Variants in DCDC2B observed in about 807,000 individuals in gnomAD.
DCDC2B encodes doublecortin domain-containing protein 2B.
In DCDC2B, 41 loss-of-function variants were observed where a neutral mutation model predicts 38.9. That is an observed-to-expected ratio of 1.05 (90% CI 0.82 to 1.37). The LOEUF (loss-of-function observed/expected upper bound fraction) is 1.37. Among genes scored for constraint, DCDC2B ranks in the 40% most tolerant of loss-of-function variants. The probability of loss-of-function intolerance (pLI) is 0.00; values close to 1 mark genes in which losing one functional copy is unlikely to be tolerated. For missense variants in DCDC2B, 453 were observed against 427.2 expected (o/e 1.06, Z -0.53); for synonymous variants, 181 against 171.9 (o/e 1.05, Z -0.41).
intron 8 of DCDC2B, 88 bp downstream of exon 8, chr1:32,215,631 C>T (rs1638321763): frequency 7.8e-7 from 1 of 1,274,402 alleles, no homozygotes; most frequent in South Asian, 1.4e-5. Context: ...GAACAGTTCT[C>T]CTCCCTTGTG....
chr1:32,215,409 G>A, intron 7 of DCDC2B, 31 bp from the exon 8 acceptor site: 2 of 1,576,062 alleles, frequency 1.3e-6, no homozygotes, highest in Non-Finnish European at 1.7e-6. Context: ...CTTCAGCCTG[G>A]GCATCACCCA....
chr1:32,210,341 A>AG (rs2124205390), intron 1 of DCDC2B, among the ~76,000 whole-genome samples: 1 of 150,754 alleles, frequency 6.6e-6, no homozygotes, highest in East Asian at 1.9e-4. Flanking sequence ...AAAAAAAAAA[A>AG]AAAAAAATCA....
chr1:32,212,262 G>C, intron 4 of DCDC2B, 61 bp downstream of exon 4: 2 of 1,592,872 alleles, frequency 1.3e-6, no homozygotes, highest in Non-Finnish European at 1.7e-6. Flanking sequence ...ACTGGCTTCA[G>C]CTGTGGCTGA....
chr1:32,211,466 T>C, intron 2 of DCDC2B, 143 bp downstream of exon 2: 1 of 833,306 alleles, frequency 1.2e-6, no homozygotes, highest in East Asian at 2.7e-5. Context: ...CTATCTTTCC[T>C]GGGGCGTGGG....
intron 8 of DCDC2B, 38 bp from the exon 9 acceptor site, chr1:32,215,764 T>A (rs1638330122): frequency 6.8e-7 from 1 of 1,476,806 alleles, no homozygotes; most frequent in Non-Finnish European, 9.2e-7. Context: ...CTGGCCATAC[T>A]CACGGCTCCA....
chr1:32,211,972 G>C, intron 3 of DCDC2B, 98 bp from the exon 4 acceptor site: 14 of 1,544,402 alleles, frequency 9.1e-6, no homozygotes, highest in Middle Eastern at 1.7e-4. Flanking sequence ...TGGGTGAAGA[G>C]AGACCAGTGT....
rs1643598447 is a variant in DCDC2B, at chr1:32,211,851, T to G, written c.395+14T>G. 1 of 1,601,986 alleles carries G rather than the reference T, an allele frequency of 6.2e-7. No individual in the cohort carries two copies. Among genetic ancestry groups the G allele is most frequent in the Admixed American group, 1.7e-5 (1 of 57,926 alleles). ...CAGCTATATCCAGTGAGTGCCAGTGTGAGGGAGCAGGGGTGTTGATGTTTG... is the reference window on the plus strand; with the variant it reads ...CAGCTATATCCAGTGAGTGCCAGTGGGAGGGAGCAGGGGTGTTGATGTTTG... On this transcript the variant is annotated intron_variant, in intron 3 of 8. Transcript: ENST00000409358.
chr1:32,212,372 C>A (rs1643623270), intron 4 of DCDC2B, 118 bp from the exon 5 acceptor site: 2 of 1,528,552 alleles, frequency 1.3e-6, no homozygotes, highest in Non-Finnish European at 8.9e-7. Flanking sequence ...CAGGGTAGAG[C>A]CTGGGTGCCT....
intron 1 of DCDC2B, among the ~76,000 whole-genome samples, chr1:32,209,686 A>G (rs1643501487): frequency 6.6e-6 from 1 of 151,884 alleles, no homozygotes; most frequent in Non-Finnish European, 1.5e-5. Flanking sequence ...ACCCCCTATC[A>G]CTGAACACTC....
chr1:32,214,312 CAAAAA>C (rs58837364), intron 6 of DCDC2B, among the ~76,000 whole-genome samples: 7 of 51,976 alleles, frequency 1.3e-4, no homozygotes, highest in African/African-American at 3.6e-4. Context: ...ACTCAAGTCT[CAAAAA>C]AAAAAAAAAA....
rs372853181 is a variant in DCDC2B, at chr1:32,212,022, T to C, written c.396-48T>C. On this transcript the variant is annotated intron_variant, in intron 3 of 8. Transcript: ENST00000409358. ...GCCCTGTGCCACCCTTCCCCTCACA[T>C]GTAGGGACTCCTGGGGACACTCCCC... 246 of 1,594,234 alleles carry C rather than the reference T, an allele frequency of 1.5e-4. 1 individual carries two copies. Among genetic ancestry groups the C allele is most frequent in the Non-Finnish European group, 2.0e-4 (238 of 1,167,026 alleles).
rs1351564882 is a variant in DCDC2B, at chr1:32,209,289, A to C, written c.196A>C (p.Thr66Pro). The change falls in exon 1 of 9, where the codon ACC becomes CCC. Residue 66 changes from threonine to proline, a missense_variant. By Grantham distance (38) the Thr-to-Pro change is conservative. Transcript: ENST00000409358. ...LYTPCHGHPV[T>P]NLADLKNRGQ... ...CACACCTTGTCATGGCCACCCTGTCACCAACCTGGCAGACTTGAAGAACAG... is the reference window on the plus strand; with the variant it reads ...CACACCTTGTCATGGCCACCCTGTCCCCAACCTGGCAGACTTGAAGAACAG... 2 of 1,613,870 alleles carry C rather than the reference A, an allele frequency of 1.2e-6. No homozygotes were observed. Among genetic ancestry groups the C allele is most frequent in the East Asian group, 4.5e-5 (2 of 44,890 alleles).
In DCDC2B at chr1:32,213,394, T is replaced by C. The variant is rs1204436239; in HGVS notation, c.714+601T>C. Among the ~76,000 whole-genome samples, 3 of 150,176 alleles carry C rather than the reference T, an allele frequency of 2.0e-5. No homozygotes were observed. In the East Asian group the frequency reaches 6.0e-4, roughly 30 times the overall value. ...TCTTGTTGCTCAGGCTGGAGTGCAA[T>C]AGCACAATCTCAGCTCACTGCAACC... On this transcript the variant is annotated intron_variant, in intron 6 of 8. Coordinates refer to ENST00000409358, the MANE Select transcript of DCDC2B (RefSeq NM_001099434.2).
In DCDC2B at chr1:32,211,794, G is replaced by A; in HGVS notation, c.352G>A (p.Ala118Thr). 1.2e-6 allele frequency: 2 copies of A among 1,610,942 alleles called. No individual in the cohort carries two copies. The highest frequency in any genetic ancestry group is 1.7e-6 in the Non-Finnish European group (2 of 1,178,696). ...PPVTRHLCDG[A>T]IGRQLPAGAP... ...CGTGACTCGCCACTTGTGTGATGGG[G>A]CCATTGGACGGCAGCTGCCTGCAGG... Residue 118 changes from alanine (A) to threonine (T), a missense_variant, in exon 3 of 9, where the codon GCC (alanine) becomes ACC (threonine). Transcript: ENST00000409358.
chr1:32,209,867 G>A (rs983924310), intron 1 of DCDC2B, among the ~76,000 whole-genome samples: 2 of 152,160 alleles, frequency 1.3e-5, no homozygotes, highest in Non-Finnish European at 2.9e-5. Context: ...TTAGCTCTCA[G>A]CTGAGGTTGC....
In DCDC2B at chr1:32,215,925, G is replaced by T; in HGVS notation, c.*28G>T. Reference sequence around the variant, plus strand: ...GCCAGCAGCTCCAGAGGGCAACTGGGGACCACTACTCTGGCCACCTTTTGT... The same window carrying T: ...GCCAGCAGCTCCAGAGGGCAACTGGTGACCACTACTCTGGCCACCTTTTGT... On this transcript the variant is annotated 3_prime_UTR_variant, in exon 9 of 9. Coordinates refer to ENST00000409358, the MANE Select transcript of DCDC2B (RefSeq NM_001099434.2). The T allele has an allele frequency of 6.6e-7, 1 of 1,521,984 alleles. No homozygotes were observed. Among genetic ancestry groups the T allele is most frequent in the Non-Finnish European group, 8.9e-7 (1 of 1,121,278 alleles). The allele number at this position is 1,521,984 out of a possible 1,614,324, so 94.3% of individuals were successfully genotyped here.
At chr1:32,211,062 TACTC>T (rs1643564599) in intron 1 of DCDC2B, among the ~76,000 whole-genome samples, 1 of 152,194 alleles carries the variant, frequency 6.6e-6, no homozygotes, top group Non-Finnish European at 1.5e-5. Flanking sequence ...TTTCCAGACT[TACTC>T]AGCACTTACC....
rs1643491754 is a variant in DCDC2B, at chr1:32,209,474, TA to T, written c.266+116del. ...TTACTGGTACTTACTGAACTCTATG[TA>T]GGGGGGGTGGTTTTGCCTCCATTAG... On this transcript the variant is annotated intron_variant, in intron 1 of 8. Transcript: ENST00000409358. 1.2e-5 allele frequency: 17 copies of T among 1,452,896 alleles called. No individual in the cohort carries two copies. The Middle Eastern group carries it at 7.3e-4, about 62-fold the overall frequency. The allele number at this position is 1,452,896 out of a possible 1,614,324, so 90.0% of individuals were successfully genotyped here.
Position 32,209,179 on chromosome 1 carries a change from C to G in DCDC2B, c.86C>G (p.Thr29Ser). ...TTCCCAGGCTCCCAGCTGGTGGTGA[C>G]TCAACGCCGCTTCCCCACCATGGAG... ...PFFPGSQLVV[T>S]QRRFPTMEAF... is the part of the protein sequence containing the mutation. Residue 29 changes from threonine (T) to serine (S), a missense_variant, in exon 1 of 9, where the codon ACT (threonine) becomes AGT (serine). Thr to Ser is a moderately conservative substitution (Grantham distance 58, BLOSUM62 1). Transcript: ENST00000409358. The G allele has an allele frequency of 6.2e-7, 1 of 1,614,026 alleles. No homozygotes were observed. The highest frequency in any genetic ancestry group is 8.5e-7 in the Non-Finnish European group (1 of 1,179,884).
Sources: gnomAD v4.1 joint callset for allele counts (sites outside exome capture counted in the v4.1 genomes callset) on GRCh38, gnomAD v4.1.1 for gene constraint, MANE v1.5 for transcripts, NCBI Gene and HGNC (gene_info 2026-07-23, HGNC 2026-07-21) for gene names.